CABCOCO1: variants seen among roughly 807,000 people sequenced by gnomAD.
CABCOCO1 encodes ciliary associated calcium binding coiled-coil 1.
A neutral mutation model predicts 35.7 loss-of-function variants in CABCOCO1; 28 were observed. That is an observed-to-expected ratio of 0.78 (90% CI 0.58 to 1.07). The LOEUF is 1.07. Among genes scored for constraint, CABCOCO1 ranks in the 50% least tolerant of loss-of-function variants. The pLI is 0.00. For synonymous variants in CABCOCO1, 95 were observed against 100.1 expected, an observed-to-expected ratio of 0.95 and a Z score of 0.30; for missense variants, 326 against 309.2, an observed-to-expected ratio of 1.05 and a Z score of -0.41.
intron 5 of CABCOCO1, among the ~76,000 whole-genome samples, chr10:61,737,775 G>A (rs1034532012): frequency 7.2e-5 from 11 of 152,044 alleles, no homozygotes; most frequent in African/African-American, 2.7e-4. Context: ...GAACACGAAG[G>A]AGGAAACAAC....
chr10:61,695,191 A>ATGT (rs1840262472), intron 5 of CABCOCO1, among the ~76,000 whole-genome samples: 1 of 151,844 alleles, frequency 6.6e-6, no homozygotes, highest in Non-Finnish European at 1.5e-5. Flanking sequence ...TATTAAATGG[A>ATGT]TGTTCTGTAA....
intron 5 of CABCOCO1, among the ~76,000 whole-genome samples, chr10:61,709,236 G>A (rs1359383560): frequency 6.6e-6 from 1 of 152,052 alleles, no homozygotes; most frequent in Admixed American, 6.6e-5. Flanking sequence ...TTCCTCAAAA[G>A]AGGCTCCCCA....
chr10:61,665,362 G>C (rs886330806), intron 1 of CABCOCO1, among the ~76,000 whole-genome samples: 1 of 152,114 alleles, frequency 6.6e-6, no homozygotes, highest in Non-Finnish European at 1.5e-5. Flanking sequence ...TCAACATCCC[G>C]AGTTCTTTAG....
At chr10:61,738,055 A>T (rs199991003) in intron 5 of CABCOCO1, among the ~76,000 whole-genome samples, 4 of 98,466 alleles carry the variant, frequency 4.1e-5, no homozygotes, top group Non-Finnish European at 6.5e-5. Context: ...TATCTTATTT[A>T]AAAAAAAAAA....
At chr10:61,750,881 G>T (rs957986295) in intron 5 of CABCOCO1, among the ~76,000 whole-genome samples, 1 of 152,188 alleles carries the variant, frequency 6.6e-6, no homozygotes, top group Non-Finnish European at 1.5e-5. Context: ...AAAGGCCTGA[G>T]CTAGGGGTCC....
chr10:61,700,643 C>A (rs1373746191), intron 5 of CABCOCO1, among the ~76,000 whole-genome samples: 1 of 151,944 alleles, frequency 6.6e-6, no homozygotes, highest in African/African-American at 2.4e-5. Context: ...AAGGATTGTC[C>A]TTCACTGGAT....
chr10:61,690,607 G>A lies in CABCOCO1; in HGVS notation c.538G>A (p.Val180Met). 1.2e-6 allele frequency: 2 copies of A among 1,601,072 alleles called. No homozygotes were observed. Among genetic ancestry groups the A allele is most frequent in the Non-Finnish European group, 1.7e-6 (2 of 1,169,168 alleles). ...GTTCTACTCTGCCAGGGAAGAAATTGTGATAGGAACTGAGGTAAGTAATTT... is the reference window on the plus strand; with the variant it reads ...GTTCTACTCTGCCAGGGAAGAAATTATGATAGGAACTGAGGTAAGTAATTT... ...FMFYSAREEI[V>M]IGTEQVIEVV... is the part of the protein sequence containing the mutation. The change falls in exon 5 of 8, where the codon GTG (valine) becomes ATG (methionine). Residue 180 changes from valine to methionine, a missense_variant. Val to Met is a conservative substitution (Grantham distance 21, BLOSUM62 1). Coordinates refer to ENST00000648843, the MANE Select transcript of CABCOCO1 (RefSeq NM_001366906.2).
chr10:61,750,630 G>A (rs976985596), intron 5 of CABCOCO1, among the ~76,000 whole-genome samples: 2 of 152,178 alleles, frequency 1.3e-5, no homozygotes, highest in Non-Finnish European at 2.9e-5. Context: ...CTGTCTGGTT[G>A]TTTGGCATTC....
chr10:61,750,113 T>C (rs1841749359), intron 5 of CABCOCO1, among the ~76,000 whole-genome samples: 1 of 152,052 alleles, frequency 6.6e-6, no homozygotes, highest in African/African-American at 2.4e-5. Context: ...CGGAAAGCAA[T>C]GTGAATCATG....
chr10:61,687,706 TTTAGATTCTAACCAGGGTAATTTCACATA>T (rs1228184711), intron 4 of CABCOCO1, among the ~76,000 whole-genome samples: 2 of 152,194 alleles, frequency 1.3e-5, no homozygotes, highest in Non-Finnish European at 2.9e-5. Flanking sequence ...GTTAGTCACC[TTTAGATTCTAACCAGGGTAATTTCACATA>T]TTATAAATCC....
At chr10:61,715,849 T>C (rs1325660087) in intron 5 of CABCOCO1, among the ~76,000 whole-genome samples, 2 of 152,184 alleles carry the variant, frequency 1.3e-5, no homozygotes, top group East Asian at 3.8e-4. Flanking sequence ...CCCACTCTCT[T>C]CTGGCTTGTA....
At chr10:61,710,839 A>G (rs1840718101) in intron 5 of CABCOCO1, among the ~76,000 whole-genome samples, 1 of 151,892 alleles carries the variant, frequency 6.6e-6, no homozygotes, top group African/African-American at 2.4e-5. Context: ...TACAGGAAGA[A>G]GATGGGTACA....
chr10:61,687,914 T>A (rs950983012), intron 4 of CABCOCO1, among the ~76,000 whole-genome samples: 7 of 152,174 alleles, frequency 4.6e-5, no homozygotes, highest in African/African-American at 1.7e-4. Flanking sequence ...GTTAGTAGGA[T>A]ATCTGGAATT....
At chr10:61,732,320 C>T (rs1241627184) in intron 5 of CABCOCO1, among the ~76,000 whole-genome samples, 1 of 151,870 alleles carries the variant, frequency 6.6e-6, no homozygotes, top group African/African-American at 2.4e-5. Context: ...AACTCCTTTG[C>T]TTTAAGCAAG....
intron 2 of CABCOCO1, 121 bp from the exon 3 acceptor site, chr10:61,681,022 A>C (rs1422922512): frequency 4.1e-6 from 2 of 487,830 alleles, no homozygotes; most frequent in African/African-American, 2.1e-5. Flanking sequence ...ATGAAGCTTG[A>C]TGTAACTGAA....
chr10:61,705,487 G>A (rs1412254265), intron 5 of CABCOCO1, among the ~76,000 whole-genome samples: 1 of 152,152 alleles, frequency 6.6e-6, no homozygotes, highest in East Asian at 1.9e-4. Context: ...GCTATCATGT[G>A]ACACTGGCTA....
At chr10:61,736,427 C>A (rs572199341) in intron 5 of CABCOCO1, among the ~76,000 whole-genome samples, 4 of 152,042 alleles carry the variant, frequency 2.6e-5, no homozygotes, top group Non-Finnish European at 5.9e-5. Context: ...TTTTTATCAG[C>A]TTCATGAAAG....
At chr10:61,718,882 C>T (rs185640078) in intron 5 of CABCOCO1, among the ~76,000 whole-genome samples, 2 of 152,220 alleles carry the variant, frequency 1.3e-5, no homozygotes, top group African/African-American at 4.8e-5. Context: ...GTGTTCATTT[C>T]TACCCAATAC....
intron 3 of CABCOCO1, among the ~76,000 whole-genome samples, chr10:61,684,562 A>T (rs948075753): frequency 2.6e-5 from 4 of 152,106 alleles, no homozygotes; most frequent in Admixed American, 2.6e-4. Flanking sequence ...ATGTTGACTG[A>T]TGGTTTCAGA....
Sources: gnomAD v4.1 joint callset for allele counts (sites outside exome capture counted in the v4.1 genomes callset) on GRCh38, gnomAD v4.1.1 for gene constraint, MANE v1.5 for transcripts, NCBI Gene and HGNC (gene_info 2026-07-23, HGNC 2026-07-21) for gene names.